The following PTP4A1 variants were observed in gnomAD, a reference collection of about 807,000 sequenced individuals.
PTP4A1 encodes protein tyrosine phosphatase type IVA 1.
A neutral mutation model predicts 20.5 loss-of-function variants in PTP4A1; 9 were observed. The ratio of observed to expected loss-of-function variants is 0.44; its 90% confidence interval spans 0.26 to 0.77. The LOEUF (loss-of-function observed/expected upper bound fraction) is 0.77. PTP4A1 is among the 30% of genes least tolerant of loss of function. PTP4A1 has a pLI of 0.19. For synonymous variants in PTP4A1, 78 were observed against 67.4 expected (o/e 1.16, Z -0.77); for missense variants, 137 against 218.8 (o/e 0.63, Z 2.36).
Position 63,583,057 on chromosome 6 carries a change from A to G in PTP4A1, c.*2883A>G, listed in dbSNP as rs1778340804. On this transcript the variant is annotated 3_prime_UTR_variant, in exon 6 of 6. Transcript: ENST00000626021. ...GGCATTTAAGAATATGGCAAAGAAC[A>G]TAAAAGATGGTGTCACCAGATTTTG... 6.6e-6 allele frequency: 1 copy of G among 152,190 alleles called. No individual in the cohort carries two copies. Among genetic ancestry groups the G allele is most frequent in the Admixed American group, 6.5e-5 (1 of 15,278 alleles). The allele number at this position is 152,190 out of a possible 1,614,324, so 9.4% of individuals were successfully genotyped here.
chr6:63,525,973 G>C (rs907020648), intron 1 of PTP4A1, among the ~76,000 whole-genome samples: 1 of 151,970 alleles, frequency 6.6e-6, no homozygotes, highest in African/African-American at 2.4e-5. Context: ...ACCTTCTTTC[G>C]GTACCAGTAT....
At chr6:63,524,783 C>G (rs1775088434) in intron 1 of PTP4A1, among the ~76,000 whole-genome samples, 1 of 152,132 alleles carries the variant, frequency 6.6e-6, no homozygotes, top group African/African-American at 2.4e-5. Flanking sequence ...TATATTATCT[C>G]ATTCAAAGTT....
upstream of PTP4A1, chr6:63,572,139 G>C (rs369771279): frequency 1.3e-5 from 2 of 152,402 alleles, no homozygotes; most frequent in African/African-American, 4.8e-5. Flanking sequence ...GTGCACTCCT[G>C]GACCGTTTTA....
In PTP4A1 at chr6:63,576,747, C is replaced by A. The variant is rs976871407; in HGVS notation, c.-134C>A. The A allele has an allele frequency of 3.2e-4, 219 of 690,594 alleles. No homozygotes were observed. The highest frequency in any genetic ancestry group is 4.5e-4 in the Admixed American group (15 of 33,552). The allele number at this position is 690,594 out of a possible 1,614,324, so 42.8% of individuals were successfully genotyped here. A position where few individuals can be genotyped will look rare whatever the true frequency, so the allele number is the denominator to read the frequency against. On this transcript the variant is annotated 5_prime_UTR_variant, in exon 2 of 6. Transcript: ENST00000626021. The stretch of plus-strand genomic sequence containing the variant: ...GGTTCATTTCACTTATCATTACTTA[C>A]AACTTCATACTCAAAGCACTGAGAA...
At chr6:63,556,167 T>C (rs1032153869) in intron 3 of PTP4A1, among the ~76,000 whole-genome samples, 2 of 152,148 alleles carry the variant, frequency 1.3e-5, no homozygotes, top group Non-Finnish European at 2.9e-5. Context: ...TTTTAAAAAA[T>C]TTTTTACTGT....
At chr6:63,529,405 A>G (rs1004047805) in intron 2 of PTP4A1, among the ~76,000 whole-genome samples, 2 of 151,716 alleles carry the variant, frequency 1.3e-5, no homozygotes, top group African/African-American at 4.9e-5. Context: ...AAACTTTTCA[A>G]TTCAATCTCA....
intron 2 of PTP4A1, among the ~76,000 whole-genome samples, chr6:63,539,174 A>T (rs1159800428): frequency 6.6e-6 from 1 of 152,182 alleles, no homozygotes; most frequent in East Asian, 1.9e-4. Context: ...GATTACAGTC[A>T]TGAGCCACCG....
chr6:63,577,057 A>G (rs1777910363), intron 2 of PTP4A1, 72 bp downstream of exon 2: 2 of 1,248,412 alleles, frequency 1.6e-6, no homozygotes, highest in Non-Finnish European at 2.3e-6. Flanking sequence ...TAACAAAATA[A>G]AAACTACTTT....
intron 2 of PTP4A1, among the ~76,000 whole-genome samples, chr6:63,543,836 C>A (rs1307652929): frequency 6.6e-6 from 1 of 152,168 alleles, no homozygotes; most frequent in Non-Finnish European, 1.5e-5. Context: ...ATAAGAGTTT[C>A]TTTTAGATCC....
intron 1 of PTP4A1, among the ~76,000 whole-genome samples, chr6:63,523,421 C>G (rs1371456939): frequency 2.6e-5 from 4 of 152,010 alleles, no homozygotes; most frequent in Admixed American, 2.6e-4. Flanking sequence ...GTAGTCCCAG[C>G]TACTCGGGAG....
At chr6:63,529,234 A>G (rs1775346309) in intron 2 of PTP4A1, among the ~76,000 whole-genome samples, 1 of 148,014 alleles carries the variant, frequency 6.8e-6, no homozygotes, top group South Asian at 2.1e-4. Context: ...ACTTTACAGA[A>G]CTTTCATATA....
chr6:63,575,589 C>A (rs1193180426), intron 1 of PTP4A1, among the ~76,000 whole-genome samples: 1 of 152,126 alleles, frequency 6.6e-6, no homozygotes, highest in Admixed American at 6.6e-5. Flanking sequence ...CCTTCAACAT[C>A]CCTTTGTCCG....
chr6:63,552,384 T>C (rs1562121523), intron 3 of PTP4A1, among the ~76,000 whole-genome samples: 1 of 152,204 alleles, frequency 6.6e-6, no homozygotes, highest in Non-Finnish European at 1.5e-5. Context: ...TGGGGTTGTT[T>C]GTTTTTTTCT....
chr6:63,519,972 T>A (rs1021427876), upstream of PTP4A1, among the ~76,000 whole-genome samples: 1 of 152,242 alleles, frequency 6.6e-6, no homozygotes, highest in Admixed American at 6.5e-5. Context: ...TTTTACCCTG[T>A]AACTGTATAA....
intron 3 of PTP4A1, among the ~76,000 whole-genome samples, chr6:63,554,456 T>C (rs1776586480): frequency 6.6e-6 from 1 of 152,142 alleles, no homozygotes; most frequent in Non-Finnish European, 1.5e-5. Flanking sequence ...CAGCCTGAAT[T>C]AGGTATCTCT....
intron 1 of PTP4A1, among the ~76,000 whole-genome samples, chr6:63,524,713 A>C (rs1423682508): frequency 1.3e-5 from 2 of 152,174 alleles, no homozygotes; most frequent in African/African-American, 4.8e-5. Context: ...TTTTCTTTTG[A>C]CTGACAAGAA....
chr6:63,538,218 A>G (rs545196260), intron 2 of PTP4A1, among the ~76,000 whole-genome samples: 208 of 152,188 alleles, frequency 1.4e-3, no homozygotes, highest in Non-Finnish European at 2.2e-3. Context: ...TCAAAAGGAA[A>G]TGTTTCCCAA....
chr6:63,528,620 G>T (rs1232872846), intron 2 of PTP4A1, among the ~76,000 whole-genome samples: 1 of 152,054 alleles, frequency 6.6e-6, no homozygotes, highest in Non-Finnish European at 1.5e-5. Flanking sequence ...ATGGCGGCAT[G>T]CATGGTGGTG....
Position 63,554,609 on chromosome 6 carries a change from C to T in PTP4A1, c.-446+4116C>T, listed in dbSNP as rs573704887. Reference sequence around the variant, plus strand: ...GGTCAGGAGTTCAAGACCAGCCTGGCCAACATGGTGAAACCCATCTCTACT... The same window carrying T: ...GGTCAGGAGTTCAAGACCAGCCTGGTCAACATGGTGAAACCCATCTCTACT... On this transcript the variant is annotated intron_variant, in intron 3 of 3. Coordinates refer to the PTP4A1 transcript ENST00000639568. Among the ~76,000 whole-genome samples, 7 of 152,188 alleles carry T rather than the reference C, an allele frequency of 4.6e-5. 2 individuals carry two copies. The highest frequency in any genetic ancestry group is 1.7e-4 in the African/African-American group (7 of 41,520).
Sources: gnomAD v4.1 joint callset for allele counts (sites outside exome capture counted in the v4.1 genomes callset) on GRCh38, gnomAD v4.1.1 for gene constraint, MANE v1.5 for transcripts, NCBI Gene and HGNC (gene_info 2026-07-23, HGNC 2026-07-21) for gene names.